Variants in ALDH7A1 observed in about 807,000 individuals in gnomAD.
ALDH7A1 encodes alpha-aminoadipic semialdehyde dehydrogenase.
ALDH7A1 carries 63 observed loss-of-function variants against 79.9 expected under a neutral mutation model. That is an observed-to-expected ratio of 0.79 (90% confidence interval 0.64 to 0.97). The LOEUF is 0.97. Among genes scored for constraint, ALDH7A1 ranks in the 50% least tolerant of loss-of-function variants. The pLI is 0.00. For missense variants in ALDH7A1, 627 were observed against 665.2 expected (o/e 0.94, Z 0.63); for synonymous variants, 240 against 231.2 (o/e 1.04, Z -0.34).
intron 11 of ALDH7A1, 40 bp from the exon 12 acceptor site, chr5:126,556,055 T>C: frequency 7.3e-7 from 1 of 1,374,734 alleles, no homozygotes; most frequent in Non-Finnish European, 1.0e-6. Context: ...GTATGATAAA[T>C]GCACACATTT....
At chr5:126,556,346 G>A (rs13166319) in intron 11 of ALDH7A1, among the ~76,000 whole-genome samples, 23,704 of 148,052 alleles carry the variant, frequency 0.16, 2,488 homozygotes, top group East Asian at 0.5. Flanking sequence ...GGGTTCAAGC[G>A]ATTCTTATAC....
chr5:126,546,966 T>C (rs544256163), intron 16 of ALDH7A1, among the ~76,000 whole-genome samples: 36 of 152,334 alleles, frequency 2.4e-4, no homozygotes, highest in African/African-American at 8.4e-4. Context: ...AAATCACAGC[T>C]GAATGTTTGC....
intron 11 of ALDH7A1, among the ~76,000 whole-genome samples, chr5:126,558,166 C>CAAA (rs35559498): frequency 1.4e-3 from 109 of 75,378 alleles, no homozygotes; most frequent in Admixed American, 2.6e-3. Flanking sequence ...GACTCCAACT[C>CAAA]AAAAAAAAAA....
intron 3 of ALDH7A1, chr5:126,588,324 A>G (rs978173167): frequency 1.6e-4 from 24 of 152,038 alleles, no homozygotes; most frequent in African/African-American, 5.3e-4. Flanking sequence ...ATACAAAAAA[A>G]AAACATTAGC....
chr5:126,579,191 C>A (rs1244371787), intron 5 of ALDH7A1, among the ~76,000 whole-genome samples: 1 of 152,228 alleles, frequency 6.6e-6, no homozygotes, highest in Admixed American at 6.5e-5. Context: ...ACCACTGCAC[C>A]CTCCAGCTGT....
At position 126,571,652 on chromosome 5, in the gene ALDH7A1, A is replaced by T. The variant is rs112080966; in HGVS notation, c.696-793T>A. 2.6e-3 allele frequency among the ~76,000 whole-genome samples: 388 copies of T among 148,746 alleles called. 1 individual carries two copies. The highest frequency in any genetic ancestry group is 6.8e-3 in the African/African-American group (275 of 40,682). ...CACTGGGCCTTTTATTTATTTATTTATTTTTTTTTTGGTCTTACACAAATC... is the reference window on the plus strand; with the variant it reads ...CACTGGGCCTTTTATTTATTTATTTTTTTTTTTTTTGGTCTTACACAAATC... On this transcript the variant is annotated intron_variant, in intron 7 of 17. Transcript: ENST00000409134.
Position 126,555,959 on chromosome 5 carries a change from T to C in ALDH7A1, c.1065A>G (p.Ala355=), listed in dbSNP as rs759921213. ...EVVNRLKKAY[A]QIRVGNPWDP... ...CCCATGGGTTCCCAACTCGGATCTG[T>C]GCATAGGCCTTTTTAAGTCTGTTTA... is the stretch of plus-strand genomic sequence containing the variant. Residue 355 remains alanine (A), a synonymous_variant, in exon 12 of 18, where the codon GCA becomes GCG. Transcript: ENST00000409134. 1.9e-6 allele frequency: 3 copies of C among 1,613,636 alleles called. No individual in the cohort carries two copies. In the South Asian group the frequency reaches 3.3e-5, roughly 18 times the overall value.
rs188781204 is a variant in ALDH7A1, at chr5:126,557,975, C to T, written c.1008+1265G>A. Among the ~76,000 whole-genome samples, 681 of 151,970 alleles carry T rather than the reference C, an allele frequency of 4.5e-3. 8 individuals carry two copies. The highest frequency in any genetic ancestry group is 0.015 in the African/African-American group (639 of 41,446). On this transcript the variant is annotated intron_variant, in intron 11 of 17. Transcript: ENST00000409134. ...CTGAGGTCAGGAGTTCAAGACCAGC[C>T]TGGCCAACATGGTGAAATGTCATCT...
intron 13 of ALDH7A1, among the ~76,000 whole-genome samples, chr5:126,552,713 A>G (rs1750043432): frequency 6.6e-6 from 1 of 151,050 alleles, no homozygotes; most frequent in Admixed American, 6.6e-5. Context: ...AAATCTTTAT[A>G]TGTGGGGGGT....
At chr5:126,551,294 C>T (rs1749987865) in intron 14 of ALDH7A1, among the ~76,000 whole-genome samples, 1 of 151,754 alleles carries the variant, frequency 6.6e-6, no homozygotes, top group Non-Finnish European at 1.5e-5. Context: ...GCAGCCTGTC[C>T]TCTGCTGGAG....
intron 5 of ALDH7A1, 62 bp downstream of exon 5, chr5:126,582,789 A>AT (rs978346152): frequency 6.0e-5 from 95 of 1,590,268 alleles, no homozygotes; most frequent in African/African-American, 1.6e-4. Flanking sequence ...AGAGTATTTT[A>AT]TTTTTTTTGG....
intron 9 of ALDH7A1, among the ~76,000 whole-genome samples, chr5:126,567,008 T>C (rs1750605968): frequency 6.6e-6 from 1 of 152,230 alleles, no homozygotes; most frequent in African/African-American, 2.4e-5. Flanking sequence ...ATTCAAAGAC[T>C]TGTGCTCCTA....
intron 8 of ALDH7A1, 182 bp downstream of exon 8, chr5:126,570,600 C>A: frequency 1.5e-6 from 1 of 664,284 alleles, no homozygotes; most frequent in South Asian, 1.7e-5. Context: ...AATTCTTATT[C>A]ATCCTCCAAT....
At chr5:126,583,210 G>A (rs1302966665) in intron 4 of ALDH7A1, among the ~76,000 whole-genome samples, 1 of 152,228 alleles carries the variant, frequency 6.6e-6, no homozygotes, top group African/African-American at 2.4e-5. Flanking sequence ...ACCGGGCACA[G>A]TGGCTCATGC....
At chr5:126,580,855 G>A (rs185589188) in intron 5 of ALDH7A1, among the ~76,000 whole-genome samples, 155 of 147,192 alleles carry the variant, frequency 1.1e-3, no homozygotes, top group Non-Finnish European at 1.8e-3. Flanking sequence ...ATGGAGTTTC[G>A]CTCTTGTTGT....
At chr5:126,592,808 C>T in intron 2 of ALDH7A1, 79 bp from the exon 3 acceptor site, 6 of 1,407,120 alleles carry the variant, frequency 4.3e-6, no homozygotes, top group Non-Finnish European at 5.0e-6. Flanking sequence ...AAAATATTTT[C>T]AGAAAAGAGT....
At chr5:126,573,821 T>G (rs1750864448) in intron 7 of ALDH7A1, among the ~76,000 whole-genome samples, 1 of 148,510 alleles carries the variant, frequency 6.7e-6, no homozygotes, top group South Asian at 2.1e-4. Context: ...GAGCCGAGAT[T>G]GTGCCACTGC....
Position 126,593,356 on chromosome 5 carries a change from G to A in ALDH7A1, c.241C>T (p.Arg81Ter), listed in dbSNP as rs757377110. ...PANNEPIARV[R>*]QASVADYEET... Reference sequence around the variant, plus strand: ...ACACACACACACACTCTTACCTGTCGGACTCTTGCTATTGGCTCGTTGTTA... The same window carrying A: ...ACACACACACACACTCTTACCTGTCAGACTCTTGCTATTGGCTCGTTGTTA... Residue 81 changes from arginine to a stop codon, truncating the protein, a stop_gained, in exon 2 of 18, where the codon CGA becomes TGA. Transcript: ENST00000409134. LOFTEE classifies it high-confidence loss of function. 8.8e-6 allele frequency: 14 copies of A among 1,597,648 alleles called. No individual in the cohort carries two copies. The highest frequency in any genetic ancestry group is 2.9e-5 in the African/African-American group (2 of 68,548).
chr5:126,552,197 C>T, intron 13 of ALDH7A1, 60 bp from the exon 14 acceptor site: 1 of 1,289,314 alleles, frequency 7.8e-7, no homozygotes, highest in Non-Finnish European at 1.1e-6. Context: ...GACTTGGGGT[C>T]AGAGGATGCA....
Sources: allele counts gnomAD v4.1 joint callset (sites outside exome capture counted in the v4.1 genomes callset), GRCh38; gene constraint gnomAD v4.1.1; transcripts MANE v1.5; gene names NCBI Gene and HGNC (gene_info 2026-07-23, HGNC 2026-07-21).